The following DNAJC1 variants were observed in gnomAD, a reference collection of about 807,000 sequenced individuals.
DNAJC1 encodes dnaJ homolog subfamily C member 1.
A neutral mutation model predicts 76.6 loss-of-function variants in DNAJC1; 58 were observed. The ratio of observed to expected loss-of-function variants is 0.76; its 90% CI spans 0.61 to 0.94. The LOEUF (loss-of-function observed/expected upper bound fraction) is 0.94, where lower values mean the gene tolerates loss of function less well. Among genes scored for constraint, DNAJC1 ranks in the 40% least tolerant of loss-of-function variants. The probability of loss-of-function intolerance (pLI) is 0.00; values close to 1 mark genes in which losing one functional copy is unlikely to be tolerated. For missense variants in DNAJC1, 689 were observed against 677.3 expected, an observed-to-expected ratio of 1.02 and a Z score of -0.19; for synonymous variants, 258 against 267.9, an observed-to-expected ratio of 0.96 and a Z score of 0.36.
intron 9 of DNAJC1, among the ~76,000 whole-genome samples, chr10:21,781,006 A>C (rs1178301161): frequency 6.6e-6 from 1 of 152,186 alleles, no homozygotes; most frequent in Non-Finnish European, 1.5e-5. Flanking sequence ...CAAGGCCATT[A>C]TGTAATGGTA....
chr10:21,759,154 T>C lies in DNAJC1; in HGVS notation c.1596+16A>G. 1.2e-6 allele frequency: 2 copies of C among 1,605,842 alleles called. No homozygotes were observed. The highest frequency in any genetic ancestry group is 2.7e-5 in the African/African-American group (2 of 74,702). On this transcript the variant is annotated intron_variant, in intron 11 of 11. Transcript: ENST00000376980. ...ATTCTAACACCTGTGCAGAGGCCTC[T>C]TTCCCCATCACTCACCTTGCTCTTG...
chr10:21,953,286 T>A lies in DNAJC1; in HGVS notation c.223-24145A>T, dbSNP rs762169363. On this transcript the variant is annotated intron_variant, in intron 1 of 11. Coordinates refer to ENST00000376980, the MANE Select transcript of DNAJC1 (RefSeq NM_022365.4). Reference sequence around the variant, plus strand: ...GTCAGATTTAATTATAGTGCAATATTGATTTTAAGCACCTGACTTCTTATT... The same window carrying A: ...GTCAGATTTAATTATAGTGCAATATAGATTTTAAGCACCTGACTTCTTATT... 5.9e-4 allele frequency among the ~76,000 whole-genome samples: 90 copies of A among 152,154 alleles called. 1 individual carries two copies. The highest frequency in any genetic ancestry group is 1.0e-3 in the Non-Finnish European group (70 of 67,966).
At chr10:21,924,994 CTGT>C (rs1006541235) in intron 3 of DNAJC1, among the ~76,000 whole-genome samples, 2 of 151,986 alleles carry the variant, frequency 1.3e-5, no homozygotes, top group South Asian at 2.1e-4. Flanking sequence ...ATTTTTGTTG[CTGT>C]TGTTGTTGTT....
chr10:21,928,458 A>G (rs1837165228), intron 3 of DNAJC1, 48 bp downstream of exon 3: 2 of 1,484,122 alleles, frequency 1.3e-6, no homozygotes, highest in Non-Finnish European at 9.3e-7. Context: ...TATAAACTGT[A>G]GCATGAAACT....
At chr10:21,941,268 CAAAAAAAAA>C (rs11435502) in intron 1 of DNAJC1, among the ~76,000 whole-genome samples, 2 of 43,654 alleles carry the variant, frequency 4.6e-5, no homozygotes, top group Non-Finnish European at 7.6e-5. Flanking sequence ...GACACTGTCT[CAAAAAAAAA>C]AAAAAAAAAA....
intron 8 of DNAJC1, among the ~76,000 whole-genome samples, chr10:21,851,303 A>G (rs1590015258): frequency 6.6e-6 from 1 of 152,312 alleles, no homozygotes; most frequent in Middle Eastern, 3.4e-3. Context: ...AGACAACCCA[A>G]TTCAAAAAAG....
At chr10:21,849,866 C>A (rs547910445) in intron 8 of DNAJC1, among the ~76,000 whole-genome samples, 46 of 151,826 alleles carry the variant, frequency 3.0e-4, no homozygotes, top group Non-Finnish European at 5.6e-4. Flanking sequence ...GAAAAAAAAA[C>A]CACACATGAT....
At chr10:21,950,433 T>G (rs993522108) in intron 1 of DNAJC1, among the ~76,000 whole-genome samples, 3 of 152,160 alleles carry the variant, frequency 2.0e-5, no homozygotes, top group Admixed American at 6.5e-5. Context: ...CGACCAGCTG[T>G]ACCCCCATCT....
At chr10:21,809,439 T>G (rs1327226177) in intron 8 of DNAJC1, among the ~76,000 whole-genome samples, 1 of 151,626 alleles carries the variant, frequency 6.6e-6, no homozygotes, top group Non-Finnish European at 1.5e-5. Context: ...TTTATTAGAT[T>G]CAGCTCAACT....
chr10:21,793,824 A>G (rs1181945867), intron 9 of DNAJC1, among the ~76,000 whole-genome samples: 1 of 152,086 alleles, frequency 6.6e-6, no homozygotes, highest in East Asian at 1.9e-4. Context: ...GTGGTGGTCC[A>G]TCCCTGTAGT....
Position 21,868,080 on chromosome 10 carries a change from A to AGAAAAAAAC in DNAJC1, c.978+14201_978+14202insGTTTTTTTC, listed in dbSNP as rs1554892646. On this transcript the variant is annotated intron_variant, in intron 8 of 11. Transcript: ENST00000376980. ...GACAGAGCAAGATTCTGTCTCCAAA[A>AGAAAAAAAC]AAAAAAAAACAAAAAAAAAAACAAC... is the stretch of plus-strand genomic sequence containing the variant. Among the ~76,000 whole-genome samples, 3 of 110,772 alleles carry AGAAAAAAAC rather than the reference A, an allele frequency of 2.7e-5. No individual in the cohort carries two copies. In the Admixed American group the frequency reaches 3.6e-4, roughly 13 times the overall value. 72.7% of individuals were successfully genotyped at this position (110,772 alleles called of 152,430 possible).
In DNAJC1 at chr10:22,003,457, C is replaced by G; in HGVS notation, c.-23G>C. 3.7e-6 allele frequency: 5 copies of G among 1,344,940 alleles called. No individual in the cohort carries two copies. The highest frequency in any genetic ancestry group is 4.7e-6 in the Non-Finnish European group (5 of 1,054,718). The allele number at this position is 1,344,940 out of a possible 1,614,324, so 83.3% of individuals were successfully genotyped here. A position where few individuals can be genotyped will look rare whatever the true frequency, so the allele number is the denominator to read the frequency against. The stretch of plus-strand genomic sequence containing the variant: ...CATCGCGCTGGGCTCGGAAAGGTCA[C>G]CCGCCGCGCAGCTCCGTTGGCCGAG... On this transcript the variant is annotated 5_prime_UTR_variant, in exon 1 of 12. Transcript: ENST00000376980.
intron 8 of DNAJC1, among the ~76,000 whole-genome samples, chr10:21,859,653 A>G (rs1835892048): frequency 6.6e-6 from 1 of 152,154 alleles, no homozygotes; most frequent in Admixed American, 6.5e-5. Flanking sequence ...ACACAGACAT[A>G]CTAGCTCTGT....
At chr10:21,785,782 G>A (rs1288064686) in intron 9 of DNAJC1, among the ~76,000 whole-genome samples, 1 of 152,140 alleles carries the variant, frequency 6.6e-6, no homozygotes, top group Non-Finnish European at 1.5e-5. Context: ...GACAGGAAAT[G>A]GAAGGCAGAG....
chr10:21,895,580 G>C (rs1344671684), intron 7 of DNAJC1, among the ~76,000 whole-genome samples: 1 of 152,136 alleles, frequency 6.6e-6, no homozygotes, highest in Non-Finnish European at 1.5e-5. Context: ...TAAAAGGAAA[G>C]CAGAAGTTAA....
intron 1 of DNAJC1, among the ~76,000 whole-genome samples, chr10:21,961,047 C>T (rs79138659): frequency 0.04 from 6,077 of 152,254 alleles, 199 homozygotes; most frequent in African/African-American, 0.085. Context: ...TTCACAACTA[C>T]AATCATTATA....
At chr10:21,817,329 T>C (rs994635182) in intron 8 of DNAJC1, among the ~76,000 whole-genome samples, 2 of 152,136 alleles carry the variant, frequency 1.3e-5, no homozygotes, top group Admixed American at 6.6e-5. Context: ...AAATTACACA[T>C]AAATGTTTAC....
intron 8 of DNAJC1, among the ~76,000 whole-genome samples, chr10:21,823,609 TC>T (rs2131661567): frequency 6.6e-6 from 1 of 152,286 alleles, no homozygotes; most frequent in East Asian, 1.9e-4. Context: ...ATTTCTGGCT[TC>T]TGATATGCTT....
intron 1 of DNAJC1, among the ~76,000 whole-genome samples, chr10:21,989,326 T>C (rs142230620): frequency 6.6e-6 from 1 of 152,314 alleles, no homozygotes; most frequent in East Asian, 1.9e-4. Context: ...ATTCCAAACA[T>C]ATACCAATGT....
Sources: allele counts gnomAD v4.1 joint callset (sites outside exome capture counted in the v4.1 genomes callset), GRCh38; gene constraint gnomAD v4.1.1; transcripts MANE v1.5; gene names NCBI Gene and HGNC (gene_info 2026-07-23, HGNC 2026-07-21).